ATRX: variants seen among roughly 807,000 people sequenced by gnomAD.
ATRX encodes chromatin remodeler ATRX.
ATRX carries 12 observed loss-of-function variants against 172.6 expected under a neutral mutation model. The observed-to-expected ratio is 0.07, with a 90% confidence interval of 0.04 to 0.11. ATRX has a LOEUF of 0.11. ATRX is among the 10% of genes least tolerant of loss of function. ATRX has a pLI of 1.00. For missense variants in ATRX, 1,368 were observed against 1,767.4 expected (o/e 0.77, Z 4.05); for synonymous variants, 674 against 594.7 (o/e 1.13, Z -1.94).
intron 28 of ATRX, among the ~76,000 whole-genome samples, chrX:77,567,481 T>A (rs907386483): frequency 9.0e-6 from 1 of 110,609 alleles, no homozygotes. Context: ...TAAAACAGAT[T>A]TCAGAGCAAA....
intron 13 of ATRX, among the ~76,000 whole-genome samples, chrX:77,654,528 C>G (rs1263670644): frequency 4.5e-5 from 5 of 110,729 alleles, no homozygotes; most frequent in Non-Finnish European, 9.5e-5. Context: ...AAGCAGATTA[C>G]AAATTTGAAT....
intron 7 of ATRX, 26 bp downstream of exon 7, chrX:77,688,792 T>G: frequency 2.7e-6 from 3 of 1,116,106 alleles, no homozygotes; most frequent in Non-Finnish European, 3.7e-6. Flanking sequence ...ATTTACGGTA[T>G]GAAATATCAA....
chrX:77,655,996 A>T (rs1188470332), intron 13 of ATRX, among the ~76,000 whole-genome samples: 1 of 111,570 alleles, frequency 9.0e-6, no homozygotes, highest in African/African-American at 3.2e-5. Flanking sequence ...ATTTTAAATT[A>T]CAGGTAATCT....
At chrX:77,588,089 A>G (rs1387486798) in intron 27 of ATRX, among the ~76,000 whole-genome samples, 2 of 112,417 alleles carry the variant, frequency 1.8e-5, no homozygotes, top group Non-Finnish European at 3.8e-5. Flanking sequence ...ATATAGATCA[A>G]TGGAATAGAA....
chrX:77,640,599 A>AC (rs1171011811), intron 15 of ATRX, among the ~76,000 whole-genome samples: 2 of 110,819 alleles, frequency 1.8e-5, no homozygotes, highest in African/African-American at 3.3e-5. Context: ...ATATGAAAAA[A>AC]ATTTTTTTCA....
intron 17 of ATRX, 106 bp from the exon 18 acceptor site, chrX:77,633,818 G>T: frequency 1.1e-6 from 1 of 911,643 alleles, no homozygotes; most frequent in Non-Finnish European, 1.5e-6. Context: ...ACAATAAACG[G>T]CCAGAATTTC....
chrX:77,685,291 G>T (rs1483833442), intron 7 of ATRX, among the ~76,000 whole-genome samples: 1 of 111,708 alleles, frequency 9.0e-6, no homozygotes, highest in Non-Finnish European at 1.9e-5. Context: ...GTGCCCATCT[G>T]ACAATGGATT....
At chrX:77,768,030 TATC>T (rs1557197182) in intron 1 of ATRX, among the ~76,000 whole-genome samples, 1 of 111,979 alleles carries the variant, frequency 8.9e-6, no homozygotes, top group Non-Finnish European at 1.9e-5. Flanking sequence ...GGGTCACAGT[TATC>T]ATAAGACCCA....
chrX:77,682,584 G>C lies in ATRX; in HGVS notation c.2672C>G (p.Ala891Gly), dbSNP rs782737236. The C allele has an allele frequency of 8.3e-7, 1 of 1,208,708 alleles. No homozygotes were observed. Among genetic ancestry groups the C allele is most frequent in the Admixed American group, 2.2e-5 (1 of 45,708 alleles). ...RKQERETFSS[A>G]EGTVDKDTTI... ...CGTGTCTTTATCAACTGTGCCTTCTGCTGAAGAGAAAGTCTCTCTCTCTTG... is the reference window on the plus strand; with the variant it reads ...CGTGTCTTTATCAACTGTGCCTTCTCCTGAAGAGAAAGTCTCTCTCTCTTG... The change falls in exon 9 of 35, where the codon GCA becomes GGA. Residue 891 changes from alanine (A) to glycine (G), a missense_variant. Ala to Gly is a moderately conservative substitution (Grantham distance 60). Around this residue, in one of 17 missense-constraint regions of ATRX, gnomAD observed 843 missense variants for 643.1 expected, o/e 1.31. Transcript: ENST00000373344.
chrX:77,726,407 G>A (rs1557172942), intron 1 of ATRX, among the ~76,000 whole-genome samples: 1 of 103,598 alleles, frequency 9.7e-6, no homozygotes, highest in Non-Finnish European at 2.0e-5. Flanking sequence ...CTCACTCATA[G>A]GTGGGAATTC....
chrX:77,644,001 G>A (rs371203032), intron 15 of ATRX, among the ~76,000 whole-genome samples: 26 of 111,152 alleles, frequency 2.3e-4, no homozygotes, highest in Non-Finnish European at 2.8e-4. Flanking sequence ...ATGCAATGGC[G>A]CAATCTTGGC....
At chrX:77,577,037 C>T (rs2065644529) in intron 27 of ATRX, among the ~76,000 whole-genome samples, 1 of 111,778 alleles carries the variant, frequency 8.9e-6, no homozygotes, top group Non-Finnish European at 1.9e-5. Flanking sequence ...ATTTGACTTG[C>T]TTCCATGATT....
intron 1 of ATRX, among the ~76,000 whole-genome samples, chrX:77,740,010 GC>G (rs1411571138): frequency 1.0e-4 from 9 of 87,140 alleles, no homozygotes; most frequent in African/African-American, 3.5e-4. Flanking sequence ...CCGAGATTGC[GC>G]CACTGCACTC....
intron 22 of ATRX, among the ~76,000 whole-genome samples, chrX:77,610,927 C>A: frequency 9.4e-6 from 1 of 106,268 alleles, no homozygotes; most frequent in African/African-American, 3.4e-5. Flanking sequence ...AATATAATTC[C>A]AGCCATTAAA....
In ATRX at chrX:77,664,683, C is replaced by T. The variant is rs1557125110; in HGVS notation, c.3905G>A (p.Arg1302Lys). The T allele has an allele frequency of 8.3e-7, 1 of 1,210,896 alleles. No individual in the cohort carries two copies. The highest frequency in any genetic ancestry group is 1.1e-6 in the Non-Finnish European group (1 of 895,013). Residue 1302 changes from arginine to lysine, a missense_variant, in exon 11 of 35, where the codon AGA becomes AAA. Physicochemically the swap from Arg to Lys is conservative, Grantham distance 26 (BLOSUM62 2). Transcript: ENST00000373344. ...GTTTTCTTCATTTTGTTTTCCAGTT[C>T]TTTTTTTCCCTTCTTCTGGCTCATC... ...SDDEPEEGKK[R>K]TGKQNEENPG...
intron 34 of ATRX, among the ~76,000 whole-genome samples, chrX:77,512,488 T>G (rs1557037003): frequency 8.9e-6 from 1 of 112,880 alleles, no homozygotes; most frequent in Non-Finnish European, 1.9e-5. Context: ...AGTGTTATCA[T>G]CAGCTTAAAA....
rs906634046 is a variant in ATRX at position 77,681,436 on chromosome X, G to T, written c.3736+84C>A. The T allele has an allele frequency of 2.2e-5, 21 of 969,658 alleles. No individual in the cohort carries two copies. The African/African-American group carries it at 3.7e-4, about 17-fold the overall frequency. The allele number at this position is 969,658 out of a possible 1,213,427, so 79.9% of individuals were successfully genotyped here. A position where few individuals can be genotyped will look rare whatever the true frequency, so the allele number is the denominator to read the frequency against. ...TCTCCTAAGTAGTAACCCTAAATTT[G>T]ATTAGCTTCAGAGGAAATTAAACAA... On this transcript the variant is annotated intron_variant, in intron 9 of 34. Transcript: ENST00000373344.
chrX:77,713,028 A>C (rs2073190463), intron 2 of ATRX, among the ~76,000 whole-genome samples: 1 of 109,518 alleles, frequency 9.1e-6, no homozygotes, highest in African/African-American at 3.3e-5. Context: ...GCATGACTGT[A>C]GTCTCAGCTA....
chrX:77,779,806 T>G lies in ATRX; in HGVS notation c.20+6176A>C, dbSNP rs781880845. ...CATGTGAATACTACTGCCAGAACAA[T>G]AATTTCTTAACAAATATTGTATGGG... is the stretch of plus-strand genomic sequence containing the variant. On this transcript the variant is annotated intron_variant, in intron 1 of 34. Transcript: ENST00000373344. Among the ~76,000 whole-genome samples, 7 of 112,067 alleles carry G rather than the reference T, an allele frequency of 6.2e-5. No individual in the cohort carries two copies. In the East Asian group the frequency reaches 1.4e-3, roughly 22 times the overall value.
Sources: allele counts gnomAD v4.1 joint callset (sites outside exome capture counted in the v4.1 genomes callset), GRCh38; gene constraint gnomAD v4.1.1; regional missense constraint gnomAD v4.1.1; transcripts MANE v1.5; gene names NCBI Gene and HGNC (gene_info 2026-07-23, HGNC 2026-07-21).